The following PTPRD variants were observed in gnomAD, a reference collection of about 807,000 sequenced individuals.
PTPRD encodes receptor-type tyrosine-protein phosphatase delta.
A neutral mutation model predicts 214.5 loss-of-function variants in PTPRD; 34 were observed. The observed-to-expected ratio is 0.16, with a 90% CI of 0.12 to 0.21. PTPRD has a LOEUF of 0.21. Among genes scored for constraint, PTPRD ranks in the 10% least tolerant of loss-of-function variants. The pLI, the probability that PTPRD is intolerant of heterozygous loss-of-function variation, is 1.00. For missense variants in PTPRD, 2,545 were observed against 2,398.7 expected (o/e 1.06, Z -1.27); for synonymous variants, 1,128 against 845.7 (o/e 1.33, Z -5.79).
At chr9:8,710,736 AAAT>A (rs1446406389) in intron 12 of PTPRD, among the ~76,000 whole-genome samples, 5 of 152,216 alleles carry the variant, frequency 3.3e-5, no homozygotes, top group African/African-American at 1.2e-4. Context: ...TTTATATCAG[AAAT>A]AATAATTAGT....
chr9:9,492,851 A>G (rs1018712364), intron 8 of PTPRD, among the ~76,000 whole-genome samples: 1 of 150,528 alleles, frequency 6.6e-6, no homozygotes, highest in Non-Finnish European at 1.5e-5. Context: ...AATAATTTAA[A>G]CTTTATTATT....
chr9:9,953,779 T>C (rs929598541), intron 4 of PTPRD, among the ~76,000 whole-genome samples: 9 of 152,160 alleles, frequency 5.9e-5, no homozygotes, highest in African/African-American at 2.2e-4. Flanking sequence ...CAATGCTTTA[T>C]GTCATGCTCA....
chr9:9,025,232 T>C (rs930436633), intron 10 of PTPRD, among the ~76,000 whole-genome samples: 1 of 151,988 alleles, frequency 6.6e-6, no homozygotes, highest in Non-Finnish European at 1.5e-5. Context: ...TTTCTTGACA[T>C]TTTTTCTAAA....
chr9:9,474,698 T>C (rs1003235511), intron 8 of PTPRD, among the ~76,000 whole-genome samples: 2 of 152,018 alleles, frequency 1.3e-5, no homozygotes, highest in African/African-American at 2.4e-5. Context: ...TTTGTAGCTA[T>C]TATAAATGAG....
intron 9 of PTPRD, among the ~76,000 whole-genome samples, chr9:9,234,316 C>T (rs1156756520): frequency 1.3e-5 from 2 of 152,204 alleles, no homozygotes; most frequent in Admixed American, 1.3e-4. Context: ...GGGCACAGGG[C>T]ACCATGTCCT....
intron 10 of PTPRD, among the ~76,000 whole-genome samples, chr9:9,110,022 A>T: frequency 6.6e-6 from 1 of 152,124 alleles, no homozygotes; most frequent in Admixed American, 6.6e-5. Flanking sequence ...CTCCAAAGAG[A>T]CACTACAGAA....
At chr9:8,526,524 G>T (rs2139313622) in intron 17 of PTPRD, 103 bp downstream of exon 17, 1 of 1,008,794 alleles carries the variant, frequency 9.9e-7, no homozygotes, top group Non-Finnish European at 1.4e-6. Flanking sequence ...AAAGTTGATG[G>T]ACATTATTGG....
At chr9:10,184,386 C>T (rs887389602) in intron 3 of PTPRD, among the ~76,000 whole-genome samples, 2 of 151,766 alleles carry the variant, frequency 1.3e-5, no homozygotes, top group Non-Finnish European at 2.9e-5. Context: ...GATGGCACCA[C>T]GGCACTCCAG....
At chr9:10,583,296 T>C (rs746994922) in intron 2 of PTPRD, among the ~76,000 whole-genome samples, 4 of 151,988 alleles carry the variant, frequency 2.6e-5, no homozygotes, top group African/African-American at 7.2e-5. Context: ...AAAGCTAACA[T>C]GTGAGATGGT....
intron 2 of PTPRD, among the ~76,000 whole-genome samples, chr9:10,499,967 A>G (rs181403437): frequency 6.8e-4 from 103 of 152,040 alleles, no homozygotes; most frequent in African/African-American, 2.4e-3. Context: ...TCTCATAATT[A>G]GCTTTAGAGT....
chr9:8,943,427 AAATAGGTC>A (rs1387972097), intron 11 of PTPRD, among the ~76,000 whole-genome samples: 6 of 152,018 alleles, frequency 3.9e-5, no homozygotes, highest in African/African-American at 1.4e-4. Flanking sequence ...AAAAAGAGAC[AAATAGGTC>A]AATGGAACAG....
intron 8 of PTPRD, among the ~76,000 whole-genome samples, chr9:9,437,291 G>T (rs1588401855): frequency 6.6e-6 from 1 of 152,066 alleles, no homozygotes; most frequent in African/African-American, 2.4e-5. Context: ...CTTCTTGGAA[G>T]TTTTTTCAAA....
chr9:10,421,811 T>A (rs2098548466), intron 2 of PTPRD, among the ~76,000 whole-genome samples: 1 of 151,976 alleles, frequency 6.6e-6, no homozygotes, highest in South Asian at 2.1e-4. Context: ...TCTTAGTTAA[T>A]ATATTTCTAT....
intron 2 of PTPRD, among the ~76,000 whole-genome samples, chr9:10,402,426 G>C (rs1587354478): frequency 1.3e-5 from 2 of 151,748 alleles, no homozygotes; most frequent in Admixed American, 1.3e-4. Context: ...TATATCTACT[G>C]AGCATCAGAT....
chr9:9,608,791 G>C (rs914658593), intron 7 of PTPRD, among the ~76,000 whole-genome samples: 1 of 152,222 alleles, frequency 6.6e-6, no homozygotes, highest in Non-Finnish European at 1.5e-5. Flanking sequence ...TTAAGAGTTA[G>C]ATTTAGCAGG....
At chr9:10,116,137 T>C (rs1194771989) in intron 3 of PTPRD, among the ~76,000 whole-genome samples, 4 of 152,156 alleles carry the variant, frequency 2.6e-5, no homozygotes, top group African/African-American at 4.8e-5. Flanking sequence ...TTGCTTTTTT[T>C]CTTTCCAATA....
At chr9:10,505,731 T>C (rs1474498556) in intron 2 of PTPRD, among the ~76,000 whole-genome samples, 1 of 152,024 alleles carries the variant, frequency 6.6e-6, no homozygotes, top group Non-Finnish European at 1.5e-5. Context: ...TAGTTCCATG[T>C]TATCAAAGAA....
intron 11 of PTPRD, among the ~76,000 whole-genome samples, chr9:9,004,260 A>G (rs1024208878): frequency 1.3e-5 from 2 of 152,086 alleles, no homozygotes; most frequent in African/African-American, 4.8e-5. Flanking sequence ...AATTTTAAGA[A>G]TATGCCACAA....
chr9:8,785,059 C>G (rs1331749088), intron 11 of PTPRD, among the ~76,000 whole-genome samples: 1 of 151,972 alleles, frequency 6.6e-6, no homozygotes, highest in East Asian at 1.9e-4. Context: ...AAGAGAAAAC[C>G]CTTGACAGCT....
Sources: allele counts gnomAD v4.1 joint callset (sites outside exome capture counted in the v4.1 genomes callset), GRCh38; gene constraint gnomAD v4.1.1; transcripts MANE v1.5; gene names NCBI Gene and HGNC (gene_info 2026-07-23, HGNC 2026-07-21).